Variants in RNF182 observed in about 807,000 individuals in gnomAD.
The protein encoded by RNF182 is ring finger protein 182.
In RNF182, 15 loss-of-function variants were observed where a neutral mutation model predicts 14.4. The ratio of observed to expected loss-of-function variants is 1.04; its 90% CI spans 0.70 to 1.60. The LOEUF (loss-of-function observed/expected upper bound fraction) is 1.60, where lower values mean the gene tolerates loss of function less well. RNF182 is among the 40% of genes most tolerant of loss of function. RNF182 has a pLI of 0.00. For missense variants in RNF182, 268 were observed against 294.8 expected (o/e 0.91, Z 0.67); for synonymous variants, 128 against 122.9 (o/e 1.04, Z -0.27).
At chr6:13,951,592 A>G (rs914799236) in intron 1 of RNF182, among the ~76,000 whole-genome samples, 1 of 152,184 alleles carries the variant, frequency 6.6e-6, no homozygotes, top group Non-Finnish European at 1.5e-5. Context: ...AAGCTCTCAT[A>G]ATGCAAGTGA....
At chr6:13,958,912 G>A (rs1473590696) in intron 1 of RNF182, among the ~76,000 whole-genome samples, 2 of 152,120 alleles carry the variant, frequency 1.3e-5, no homozygotes, top group Admixed American at 6.6e-5. Flanking sequence ...TTCTTTGGGG[G>A]TGAATGAATT....
rs1760364035 is a variant in RNF182 at position 13,977,480 on chromosome 6, CCTT to C, written c.364_366del (p.Ser122del). On this transcript the variant is annotated inframe_deletion, in exon 3 of 3. Transcript: ENST00000488300. ...CAAGAGGCTGGCCTCTCTGGTCAGT[CCTT>C]CTCACACGTCCTCCAACTGCCTGGT... The C allele has an allele frequency of 6.2e-7, 1 of 1,614,192 alleles. No homozygotes were observed. Among genetic ancestry groups the C allele is most frequent in the Non-Finnish European group, 8.5e-7 (1 of 1,180,030 alleles).
intron 1 of RNF182, among the ~76,000 whole-genome samples, chr6:13,942,774 C>A (rs1759332038): frequency 6.6e-6 from 1 of 152,222 alleles, no homozygotes; most frequent in Non-Finnish European, 1.5e-5. Flanking sequence ...CTCCTAAACT[C>A]TTTTTCCTAT....
At chr6:13,929,029 CAA>C (rs1758903151) in intron 1 of RNF182, among the ~76,000 whole-genome samples, 1 of 152,144 alleles carries the variant, frequency 6.6e-6, no homozygotes. Context: ...GCTAGTCCTA[CAA>C]AAGAGTTGCT....
At chr6:13,947,465 A>AT (rs1458926993) in intron 1 of RNF182, among the ~76,000 whole-genome samples, 10 of 152,304 alleles carry the variant, frequency 6.6e-5, no homozygotes, top group Admixed American at 5.2e-4. Flanking sequence ...TGGCCTGGTT[A>AT]TTTGTATAAA....
chr6:13,958,583 A>G (rs1161838279), intron 1 of RNF182, among the ~76,000 whole-genome samples: 1 of 152,094 alleles, frequency 6.6e-6, no homozygotes, highest in Non-Finnish European at 1.5e-5. Context: ...TTTATTATCT[A>G]CTCTGTGCTA....
intron 1 of RNF182, among the ~76,000 whole-genome samples, chr6:13,954,549 T>A (rs1451901320): frequency 6.6e-6 from 1 of 152,190 alleles, no homozygotes; most frequent in Non-Finnish European, 1.5e-5. Context: ...TTTTTAAATT[T>A]AAATTTAAAT....
intron 1 of RNF182, among the ~76,000 whole-genome samples, chr6:13,963,215 CTG>C (rs1212985463): frequency 6.6e-6 from 1 of 152,166 alleles, no homozygotes; most frequent in East Asian, 1.9e-4. Flanking sequence ...TACATAGAAA[CTG>C]TATTTTGACT....
In RNF182 at chr6:13,977,518, C is replaced by T. The variant is rs1343241885; in HGVS notation, c.399C>T (p.Ile133=). ...CCTCCAACTGCCTGGTCATAACCAT[C>T]ATGGAGGTGCAGAGAGAGAGCTCCC... ...HTSSNCLVIT[I]MEVQRESSPS... The change falls in exon 3 of 3, where the codon ATC becomes ATT. Residue 133 remains isoleucine (I), a synonymous_variant. Transcript: ENST00000488300. The T allele has an allele frequency of 6.2e-7, 1 of 1,614,192 alleles. No individual in the cohort carries two copies. Among genetic ancestry groups the T allele is most frequent in the South Asian group, 1.1e-5 (1 of 91,082 alleles).
rs539014103 is a variant in RNF182 at position 13,974,238 on chromosome 6, C to T, written c.-338C>T. 3.3e-5 allele frequency: 5 copies of T among 152,050 alleles called. No individual in the cohort carries two copies. In the South Asian group the frequency reaches 1.0e-3, roughly 32 times the overall value. 9.4% of individuals were successfully genotyped at this position (152,050 alleles called of 1,614,324 possible). A position where few individuals can be genotyped will look rare whatever the true frequency, so the allele number is the denominator to read the frequency against. The stretch of plus-strand genomic sequence containing the variant: ...GAAATACTTGTGTTGGCTGCATTTC[C>T]AGGGATGCTACCAGAGCTCAAGGCT... On this transcript the variant is annotated 5_prime_UTR_variant, in exon 2 of 3. Transcript: ENST00000488300.
At chr6:13,974,574 T>C (rs1006704746) in intron 2 of RNF182, among the ~76,000 whole-genome samples, 1 of 152,196 alleles carries the variant, frequency 6.6e-6, no homozygotes, top group Non-Finnish European at 1.5e-5. Flanking sequence ...ATAATTTAGG[T>C]TCACATAATT....
chr6:13,967,096 C>T (rs1760052518), intron 1 of RNF182, among the ~76,000 whole-genome samples: 1 of 152,014 alleles, frequency 6.6e-6, no homozygotes, highest in African/African-American at 2.4e-5. Flanking sequence ...TCTTGGCCTC[C>T]CAAAGTGCTG....
At position 13,977,102 on chromosome 6, in the gene RNF182, T is replaced by C. The variant is rs376666892; in HGVS notation, c.-18T>C. The C allele has an allele frequency of 2.2e-5, 35 of 1,601,700 alleles. No homozygotes were observed. In the African/African-American group the frequency reaches 2.7e-4, roughly 12 times the overall value. On this transcript the variant is annotated 5_prime_UTR_variant, in exon 3 of 3. Transcript: ENST00000488300. ...TCAACAAGACCCACCTGGCATAAGA[T>C]TGCACACATAATTCAAGATGGCCAG...
chr6:13,942,066 C>T (rs143594859), intron 1 of RNF182, among the ~76,000 whole-genome samples: 236 of 152,054 alleles, frequency 1.6e-3, no homozygotes, highest in South Asian at 1.2e-3. Context: ...CATATTTTTG[C>T]TGCATGTGGA....
At chr6:13,938,724 T>C (rs1759207027) in intron 1 of RNF182, among the ~76,000 whole-genome samples, 1 of 152,212 alleles carries the variant, frequency 6.6e-6, no homozygotes, top group East Asian at 1.9e-4. Flanking sequence ...TAAATTGCAG[T>C]GGCATTCTTT....
At chr6:13,949,496 C>T (rs571599883) in intron 1 of RNF182, 43 of 566,078 alleles carry the variant, frequency 7.6e-5, no homozygotes, top group African/African-American at 4.3e-4. Flanking sequence ...GAAAAAATTA[C>T]GGAAAAAGAC....
chr6:13,927,363 A>G (rs962770849), intron 1 of RNF182, among the ~76,000 whole-genome samples: 1 of 152,226 alleles, frequency 6.6e-6, no homozygotes, highest in Non-Finnish European at 1.5e-5. Flanking sequence ...GAAGCAGGCA[A>G]CAGCATTGCA....
chr6:13,942,984 G>GA (rs1325894586), intron 1 of RNF182, among the ~76,000 whole-genome samples: 2 of 152,112 alleles, frequency 1.3e-5, no homozygotes, highest in Non-Finnish European at 2.9e-5. Context: ...ACAGAGTTCT[G>GA]CAACCAGAGA....
chr6:13,979,712 G>A lies in RNF182; in HGVS notation c.*1849G>A, dbSNP rs746873457. 3.1e-4 allele frequency: 52 copies of A among 166,764 alleles called. No individual in the cohort carries two copies. The highest frequency in any genetic ancestry group is 6.6e-4 in the Admixed American group (10 of 15,258). 10.3% of individuals were successfully genotyped at this position (166,764 alleles called of 1,614,324 possible). ...GTAAGGTTTTTTTAAAAAAATGTTC[G>A]TTTTGTTTGAAATGTAACATTGAGT... On this transcript the variant is annotated 3_prime_UTR_variant, in exon 3 of 3. Transcript: ENST00000488300.
Sources: allele counts gnomAD v4.1 joint callset (sites outside exome capture counted in the v4.1 genomes callset), GRCh38; gene constraint gnomAD v4.1.1; transcripts MANE v1.5; gene names NCBI Gene and HGNC (gene_info 2026-07-23, HGNC 2026-07-21).